The following SPPL3 variants were observed in gnomAD, a reference collection of about 807,000 sequenced individuals.
The protein encoded by SPPL3 is signal peptide peptidase like 3, also known as signal peptide peptidase-like 3.
A neutral mutation model predicts 42.4 loss-of-function variants in SPPL3; 5 were observed. The ratio of observed to expected loss-of-function variants is 0.12; its 90% CI spans 0.06 to 0.25. The LOEUF is 0.25. Ranked by LOEUF, SPPL3 falls within the 10% of genes least tolerant of loss-of-function variation. SPPL3 has a pLI of 1.00. For missense variants in SPPL3, 235 were observed against 489.0 expected (o/e 0.48, Z 4.90); for synonymous variants, 195 against 181.8 (o/e 1.07, Z -0.58).
chr12:120,867,896 T>C (rs970896078), intron 1 of SPPL3, among the ~76,000 whole-genome samples: 2 of 151,748 alleles, frequency 1.3e-5, no homozygotes, highest in African/African-American at 4.8e-5. Flanking sequence ...TACAGGCACC[T>C]GCCACCACAC....
At chr12:120,847,774 AG>A (rs1465420124) in intron 1 of SPPL3, among the ~76,000 whole-genome samples, 1 of 152,104 alleles carries the variant, frequency 6.6e-6, no homozygotes, top group Admixed American at 6.5e-5. Context: ...TCTAGTAAAA[AG>A]GGAGCTAATA....
chr12:120,866,966 C>G (rs571890866), intron 1 of SPPL3, among the ~76,000 whole-genome samples: 20 of 152,248 alleles, frequency 1.3e-4, no homozygotes, highest in African/African-American at 4.8e-4. Context: ...AAATAAGGAA[C>G]GTTTTTTAAA....
intron 9 of SPPL3, 96 bp from the exon 10 acceptor site, chr12:120,766,468 G>T: frequency 1.1e-6 from 1 of 934,534 alleles, no homozygotes; most frequent in Non-Finnish European, 1.5e-6. Context: ...GATCTAATGT[G>T]CTGTCGTCCA....
intron 2 of SPPL3, among the ~76,000 whole-genome samples, chr12:120,801,319 C>CTCACCACCATAACCTGAT (rs1462009262): frequency 2.0e-5 from 3 of 152,212 alleles, no homozygotes; most frequent in Non-Finnish European, 4.4e-5. Flanking sequence ...CATAATCTGT[C>CTCACCACCATAACCTGAT]TCACCACCAT....
At chr12:120,843,890 G>A (rs768397850) in intron 1 of SPPL3, among the ~76,000 whole-genome samples, 2 of 152,126 alleles carry the variant, frequency 1.3e-5, no homozygotes, top group Admixed American at 6.5e-5. Context: ...CCCGGGAGGC[G>A]GAGGTTGCAG....
At chr12:120,849,574 A>G (rs929228553) in intron 1 of SPPL3, among the ~76,000 whole-genome samples, 6 of 152,206 alleles carry the variant, frequency 3.9e-5, no homozygotes, top group Non-Finnish European at 8.8e-5. Context: ...AGCTCTAAAA[A>G]ACAGATCAAT....
chr12:120,832,385 T>C (rs1212887522), intron 1 of SPPL3, among the ~76,000 whole-genome samples: 2 of 152,216 alleles, frequency 1.3e-5, no homozygotes, highest in African/African-American at 4.8e-5. Context: ...AAATGAGCTA[T>C]TTGGGGCCAG....
chr12:120,787,449 C>T (rs1869759602), intron 3 of SPPL3, among the ~76,000 whole-genome samples: 1 of 152,034 alleles, frequency 6.6e-6, no homozygotes, highest in South Asian at 2.1e-4. Context: ...TGGGGGCAGG[C>T]AGAGAAGTTA....
chr12:120,889,801 G>C lies in SPPL3; in HGVS notation c.23+14044C>G, dbSNP rs1278988250. 5.1e-5 allele frequency among the ~76,000 whole-genome samples: 3 copies of C among 59,214 alleles called. No individual in the cohort carries two copies. The East Asian group carries it at 1.8e-3, about 36-fold the overall frequency. The allele number at this position is 59,214 out of a possible 152,430, so 38.8% of individuals were successfully genotyped here. On this transcript the variant is annotated intron_variant, in intron 1 of 10. Coordinates refer to ENST00000353487, the MANE Select transcript of SPPL3 (RefSeq NM_139015.5). ...CTACAAATTAAATAGTGATTGTTATGAAGGTAGGTCCAGCCTAACACCTTG... is the reference window on the plus strand; with the variant it reads ...CTACAAATTAAATAGTGATTGTTATCAAGGTAGGTCCAGCCTAACACCTTG...
rs891592796 is a variant in SPPL3, at chr12:120,902,008, A to C, written c.23+1837T>G. On this transcript the variant is annotated intron_variant, in intron 1 of 10. Transcript: ENST00000353487. ...TAGGACTCTCAGGGCCACAGCCATT[A>C]GGGCCAGAGTATGAGAAGCTCAAGA... 18 of 797,832 alleles carry C rather than the reference A, an allele frequency of 2.3e-5. No individual in the cohort carries two copies. In the African/African-American group the frequency reaches 3.4e-4, roughly 15 times the overall value. 49.4% of individuals were successfully genotyped at this position (797,832 alleles called of 1,614,324 possible).
At chr12:120,768,175 C>T (rs1326935255) in intron 8 of SPPL3, 150 bp downstream of exon 8, 3 of 1,048,026 alleles carry the variant, frequency 2.9e-6, no homozygotes. Flanking sequence ...CTTGGCAAGC[C>T]AAGAATCTCA....
chr12:120,892,283 G>A (rs3809314), intron 1 of SPPL3, among the ~76,000 whole-genome samples: 29,108 of 152,004 alleles, frequency 0.19, 4,352 homozygotes, highest in East Asian at 0.4. Context: ...TTGTCAAAAC[G>A]GGAAGATGGT....
intron 1 of SPPL3, chr12:120,835,551 A>G (rs1401849308): frequency 6.6e-6 from 1 of 152,212 alleles, no homozygotes; most frequent in Non-Finnish European, 1.5e-5. Flanking sequence ...TAGTCAGAAA[A>G]ATCTTGAGAA....
chr12:120,809,141 A>C (rs777212120), intron 2 of SPPL3, among the ~76,000 whole-genome samples: 5 of 152,144 alleles, frequency 3.3e-5, no homozygotes, highest in Non-Finnish European at 7.4e-5. Context: ...GTCAGGAGAT[A>C]GAGACCATCC....
intron 9 of SPPL3, among the ~76,000 whole-genome samples, chr12:120,767,084 T>TA (rs1868938851): frequency 6.6e-6 from 1 of 152,192 alleles, no homozygotes; most frequent in Non-Finnish European, 1.5e-5. Context: ...AGGAAATAAA[T>TA]ACGACAGTCA....
At chr12:120,867,671 T>TAC (rs1872795814) in intron 1 of SPPL3, among the ~76,000 whole-genome samples, 2 of 151,136 alleles carry the variant, frequency 1.3e-5, no homozygotes, top group Admixed American at 6.6e-5. Context: ...TATATATATA[T>TAC]ATACATACTT....
At chr12:120,891,919 G>A (rs938671078) in intron 1 of SPPL3, among the ~76,000 whole-genome samples, 2 of 152,176 alleles carry the variant, frequency 1.3e-5, no homozygotes, top group African/African-American at 4.8e-5. Flanking sequence ...GAAGAAGAGC[G>A]CTCTAAAGGG....
chr12:120,860,149 G>A (rs150266780), intron 1 of SPPL3, among the ~76,000 whole-genome samples: 21 of 152,284 alleles, frequency 1.4e-4, no homozygotes, highest in African/African-American at 4.8e-4. Flanking sequence ...GCTGCAGTGA[G>A]CCATGATCAT....
Position 120,784,564 on chromosome 12 carries a change from G to C in SPPL3, c.220C>G (p.Leu74Val). 1 of 1,611,316 alleles carries C rather than the reference G, an allele frequency of 6.2e-7. No individual in the cohort carries two copies. The highest frequency in any genetic ancestry group is 8.5e-7 in the Non-Finnish European group (1 of 1,179,066). The change falls in exon 4 of 11, where the codon CTG becomes GTG. Residue 74 changes from leucine to valine, a missense_variant. Physicochemically the swap from Leu to Val is conservative, Grantham distance 32. Transcript: ENST00000353487. Reference sequence around the variant, plus strand: ...ACAGATGCTCCAATTGGAAGGAACAGAGCCTGGGTAGAGTCAATTGTTTGG... The same window carrying C: ...ACAGATGCTCCAATTGGAAGGAACACAGCCTGGGTAGAGTCAATTGTTTGG... The part of the protein sequence containing the change: ...SIQTIDSTQA[L>V]FLPIGASVSL...
Sources: allele counts gnomAD v4.1 joint callset (sites outside exome capture counted in the v4.1 genomes callset), GRCh38; gene constraint gnomAD v4.1.1; transcripts MANE v1.5; gene names NCBI Gene and HGNC (gene_info 2026-07-23, HGNC 2026-07-21).